CNTNAP5: variants seen among roughly 807,000 people sequenced by gnomAD.
The protein encoded by CNTNAP5 is contactin-associated protein-like 5.
A neutral mutation model predicts 150.2 loss-of-function variants in CNTNAP5; 72 were observed. The ratio of observed to expected loss-of-function variants is 0.48; its 90% CI spans 0.40 to 0.58. CNTNAP5 has a LOEUF of 0.58. Among genes scored for constraint, CNTNAP5 ranks in the 20% least tolerant of loss-of-function variants. CNTNAP5 has a pLI of 0.00. For missense variants in CNTNAP5, 1,636 were observed against 1,626.2 expected (o/e 1.01, Z -0.10); for synonymous variants, 672 against 619.8 (o/e 1.08, Z -1.25).
intron 1 of CNTNAP5, among the ~76,000 whole-genome samples, chr2:124,051,449 A>G (rs1269943029): frequency 6.6e-6 from 1 of 152,198 alleles, no homozygotes; most frequent in East Asian, 1.9e-4. Context: ...TGCACCACAT[A>G]CTGGAAATCA....
chr2:124,408,836 C>A (rs911938607), intron 3 of CNTNAP5, among the ~76,000 whole-genome samples: 3 of 152,142 alleles, frequency 2.0e-5, no homozygotes, highest in African/African-American at 7.2e-5. Context: ...CTCCTCTCCT[C>A]CTCCAAAGGA....
chr2:124,894,291 T>C (rs1278527429), intron 21 of CNTNAP5, among the ~76,000 whole-genome samples: 11 of 147,690 alleles, frequency 7.4e-5, no homozygotes, highest in Non-Finnish European at 1.0e-4. Context: ...TAATTCTTCA[T>C]TGGAGTAGGA....
intron 13 of CNTNAP5, among the ~76,000 whole-genome samples, chr2:124,721,348 C>T (rs188244805): frequency 2.2e-4 from 33 of 152,056 alleles, no homozygotes; most frequent in African/African-American, 8.0e-4. Flanking sequence ...CGTGGTGGCA[C>T]TCACATGTAA....
intron 19 of CNTNAP5, among the ~76,000 whole-genome samples, chr2:124,855,603 A>C (rs1677355212): frequency 6.6e-6 from 1 of 152,340 alleles, no homozygotes; most frequent in African/African-American, 2.4e-5. Flanking sequence ...CAGAAAAATT[A>C]TGTTCTTGTA....
At chr2:124,213,419 C>A (rs139111954) in intron 1 of CNTNAP5, among the ~76,000 whole-genome samples, 4 of 152,096 alleles carry the variant, frequency 2.6e-5, no homozygotes, top group Non-Finnish European at 4.4e-5. Context: ...GAGAGATCAT[C>A]CCAAGAGAAA....
rs749546250 is a variant in CNTNAP5 at position 124,713,323 on chromosome 2, CTTT to C, written c.2078-33905_2078-33903del. Among the ~76,000 whole-genome samples the C allele has an allele frequency of 1.4e-3, 60 of 42,026 alleles. 3 individuals carry two copies. Among genetic ancestry groups the C allele is most frequent in the African/African-American group, 3.4e-3 (37 of 10,942 alleles). The allele number at this position is 42,026 out of a possible 152,430, so 27.6% of individuals were successfully genotyped here. On this transcript the variant is annotated intron_variant, in intron 13 of 23. Coordinates refer to ENST00000682447, the MANE Select transcript of CNTNAP5 (RefSeq NM_001367498.1). Reference sequence around the variant, plus strand: ...TTTCTTCTTTCTCTTTCTTTCCTTTCTTTCTTTCTTTCTTTCTTTCTTTCTTTC... The same window carrying C: ...TTTCTTCTTTCTCTTTCTTTCCTTTCCTTTCTTTCTTTCTTTCTTTCTTTC...
rs894166529 is a variant in CNTNAP5, at chr2:124,481,910, C to G, written c.1062+7028C>G. ...ATATAATTGGGTCAAAGATTGTGAA[C>G]TTTTGACTCAACCCACATTGCATAA... On this transcript the variant is annotated intron_variant, in intron 7 of 23. Transcript: ENST00000682447. Among the ~76,000 whole-genome samples, 7 of 152,278 alleles carry G rather than the reference C, an allele frequency of 4.6e-5. No homozygotes were observed. In the South Asian group the frequency reaches 1.4e-3, roughly 32 times the overall value.
intron 2 of CNTNAP5, among the ~76,000 whole-genome samples, chr2:124,233,787 A>T (rs912176145): frequency 1.9e-4 from 19 of 97,966 alleles, no homozygotes; most frequent in African/African-American, 7.0e-4. Context: ...CTGTGAGTTT[A>T]TATATATATA....
At chr2:124,778,757 T>G (rs542617476) in intron 17 of CNTNAP5, 27 of 151,844 alleles carry the variant, frequency 1.8e-4, no homozygotes, top group African/African-American at 5.6e-4. Context: ...CATTCAAAAA[T>G]AGCTCAGAGA....
At chr2:124,086,599 T>C (rs1682698064) in intron 1 of CNTNAP5, among the ~76,000 whole-genome samples, 1 of 151,670 alleles carries the variant, frequency 6.6e-6, no homozygotes, top group South Asian at 2.1e-4. Context: ...TTTTTTTTGC[T>C]CTGAAGATAA....
At chr2:124,446,992 C>A in intron 6 of CNTNAP5, 55 bp downstream of exon 6, 1 of 1,545,580 alleles carries the variant, frequency 6.5e-7, no homozygotes, top group South Asian at 1.2e-5. Flanking sequence ...ATGAACGCAG[C>A]AAGAAAATCA....
rs143121536 is a variant in CNTNAP5, at chr2:124,492,035, G to A, written c.1063-12257G>A. Reference sequence around the variant, plus strand: ...TTGTATAGTACCCTCTTATCAGATAGCTAGCTTGTAAATGTTTTCTCCCAT... The same window carrying A: ...TTGTATAGTACCCTCTTATCAGATAACTAGCTTGTAAATGTTTTCTCCCAT... On this transcript the variant is annotated intron_variant, in intron 7 of 23. Transcript: ENST00000682447. 1.6e-3 allele frequency among the ~76,000 whole-genome samples: 239 copies of A among 152,064 alleles called. 2 individuals carry two copies. Among genetic ancestry groups the A allele is most frequent in the Middle Eastern group, 3.4e-3 (1 of 294 alleles).
chr2:124,355,703 C>A (rs72964687), intron 3 of CNTNAP5, among the ~76,000 whole-genome samples: 5,464 of 152,214 alleles, frequency 0.036, 348 homozygotes, highest in African/African-American at 0.12. Context: ...AAGCCTGCAA[C>A]ATTGTGTGGG....
chr2:124,341,150 A>T (rs1689605242), intron 3 of CNTNAP5, among the ~76,000 whole-genome samples: 1 of 151,820 alleles, frequency 6.6e-6, no homozygotes, highest in African/African-American at 2.4e-5. Flanking sequence ...AATCCATAAA[A>T]AGTCTGTCTG....
At chr2:124,532,349 G>C (rs79206861) in intron 10 of CNTNAP5, among the ~76,000 whole-genome samples, 5,806 of 152,272 alleles carry the variant, frequency 0.038, 167 homozygotes, top group Non-Finnish European at 0.047. Flanking sequence ...AGAGTGGCAT[G>C]CAATGTCTAG....
intron 1 of CNTNAP5, among the ~76,000 whole-genome samples, chr2:124,207,770 A>G (rs948852417): frequency 7.2e-5 from 11 of 152,134 alleles, no homozygotes; most frequent in African/African-American, 2.4e-4. Context: ...TTTTCCTGCT[A>G]TTTTTAATCT....
chr2:124,701,535 T>C (rs1052878592), intron 13 of CNTNAP5, among the ~76,000 whole-genome samples: 15 of 152,084 alleles, frequency 9.9e-5, no homozygotes, highest in African/African-American at 3.6e-4. Flanking sequence ...CTTTTGGGGG[T>C]ATGCATTGAA....
intron 11 of CNTNAP5, among the ~76,000 whole-genome samples, 153 bp from the exon 12 acceptor site, chr2:124,609,648 G>A (rs183919424): frequency 6.6e-6 from 1 of 152,206 alleles, no homozygotes; most frequent in African/African-American, 2.4e-5. Context: ...CAAGCCACTG[G>A]TACTGGTGTG....
chr2:124,211,360 C>T (rs930490698), intron 1 of CNTNAP5, among the ~76,000 whole-genome samples: 29 of 152,236 alleles, frequency 1.9e-4, no homozygotes, highest in African/African-American at 6.0e-4. Flanking sequence ...TTTTTGTTCT[C>T]ACAACAAGCC....
Sources: gnomAD v4.1 joint callset for allele counts (sites outside exome capture counted in the v4.1 genomes callset) on GRCh38, gnomAD v4.1.1 for gene constraint, MANE v1.5 for transcripts, NCBI Gene and HGNC (gene_info 2026-07-23, HGNC 2026-07-21) for gene names.